Variants in ITK observed in about 807,000 individuals in gnomAD.
ITK encodes the protein IL2 inducible T cell kinase.
ITK carries 45 observed loss-of-function variants against 87.6 expected under a neutral mutation model. The ratio of observed to expected loss-of-function variants is 0.51; its 90% CI spans 0.40 to 0.66. ITK has a LOEUF of 0.66. ITK is among the 30% of genes least tolerant of loss of function. ITK has a pLI of 0.00. For synonymous variants in ITK, 303 were observed against 273.6 expected (o/e 1.11, Z -1.06); for missense variants, 605 against 766.3 (o/e 0.79, Z 2.48).
At chr5:157,193,551 TC>T (rs1161775329) in intron 1 of ITK, among the ~76,000 whole-genome samples, 1 of 152,228 alleles carries the variant, frequency 6.6e-6, no homozygotes, top group Non-Finnish European at 1.5e-5. Context: ...ATAACCACAT[TC>T]ATTATGTTAT....
At chr5:157,194,494 A>G (rs1753814191) in intron 1 of ITK, among the ~76,000 whole-genome samples, 1 of 152,224 alleles carries the variant, frequency 6.6e-6, no homozygotes, top group Admixed American at 6.5e-5. Context: ...TGGTAATACA[A>G]GGAGTACCAG....
intron 12 of ITK, 40 bp downstream of exon 12, chr5:157,243,834 G>A (rs766810196): frequency 5.0e-6 from 8 of 1,586,062 alleles, no homozygotes; most frequent in Admixed American, 1.7e-5. Flanking sequence ...ACTCTGGGGG[G>A]AACATCGGTT....
At chr5:157,239,522 T>C (rs1754844755) in intron 9 of ITK, among the ~76,000 whole-genome samples, 1 of 152,170 alleles carries the variant, frequency 6.6e-6, no homozygotes, top group Non-Finnish European at 1.5e-5. Flanking sequence ...AACACATGTT[T>C]CTAGCAGACG....
chr5:157,212,285 C>G (rs1754206886), intron 3 of ITK, among the ~76,000 whole-genome samples: 1 of 152,196 alleles, frequency 6.6e-6, no homozygotes, highest in Non-Finnish European at 1.5e-5. Context: ...GTCAGAAGAT[C>G]TGGGTTCAAA....
chr5:157,208,006 G>A (rs1002688108), intron 1 of ITK, among the ~76,000 whole-genome samples: 30 of 152,226 alleles, frequency 2.0e-4, no homozygotes, highest in African/African-American at 7.0e-4. Flanking sequence ...GTATAATGAC[G>A]TATTTTGCAA....
intron 16 of ITK, among the ~76,000 whole-genome samples, chr5:157,251,645 A>G (rs1755139885): frequency 6.6e-6 from 1 of 152,174 alleles, no homozygotes; most frequent in Non-Finnish European, 1.5e-5. Flanking sequence ...TGCATTTTAC[A>G]TTTAGGTCTA....
chr5:157,234,961 C>T (rs1754747901), intron 8 of ITK, among the ~76,000 whole-genome samples: 1 of 152,130 alleles, frequency 6.6e-6, no homozygotes, highest in Non-Finnish European at 1.5e-5. Context: ...TGAATTGATT[C>T]ATTACACCTT....
chr5:157,189,875 C>T (rs1753719936), intron 1 of ITK, among the ~76,000 whole-genome samples: 1 of 152,166 alleles, frequency 6.6e-6, no homozygotes, highest in Non-Finnish European at 1.5e-5. Flanking sequence ...TAATACATTC[C>T]TCCCATTCAT....
At chr5:157,205,111 A>G (rs246856) in intron 1 of ITK, among the ~76,000 whole-genome samples, 106,947 of 152,074 alleles carry the variant, frequency 0.7, 38,226 homozygotes, top group East Asian at 0.98. Context: ...AATTGGGAAG[A>G]TACCCTTTAT....
In ITK at chr5:157,253,551, C is replaced by T. The variant is rs1439729137; in HGVS notation, c.*873C>T. 5.3e-5 allele frequency: 12 copies of T among 227,476 alleles called. No individual in the cohort carries two copies. The highest frequency in any genetic ancestry group is 1.0e-4 in the Non-Finnish European group (12 of 114,496). The allele number at this position is 227,476 out of a possible 1,614,324, so 14.1% of individuals were successfully genotyped here. On this transcript the variant is annotated 3_prime_UTR_variant, in exon 17 of 17. Transcript: ENST00000422843. ...CCTCCTCTTCTGCACAGAATGCTTCCACCAGCATCCTGAGAAGAAATGATT... is the reference window on the plus strand; with the variant it reads ...CCTCCTCTTCTGCACAGAATGCTTCTACCAGCATCCTGAGAAGAAATGATT...
At chr5:157,202,268 C>A (rs1459382044) in intron 1 of ITK, among the ~76,000 whole-genome samples, 1 of 152,164 alleles carries the variant, frequency 6.6e-6, no homozygotes, top group Non-Finnish European at 1.5e-5. Context: ...GGCTGGAATG[C>A]AGTGGCACGA....
intron 13 of ITK, among the ~76,000 whole-genome samples, chr5:157,244,698 A>T (rs1754986683): frequency 6.6e-6 from 1 of 152,114 alleles, no homozygotes; most frequent in African/African-American, 2.4e-5. Flanking sequence ...CACCTCCTGC[A>T]TTTCAGTTTA....
At chr5:157,235,446 A>G (rs1754758738) in intron 8 of ITK, among the ~76,000 whole-genome samples, 1 of 152,150 alleles carries the variant, frequency 6.6e-6, no homozygotes, top group Non-Finnish European at 1.5e-5. Flanking sequence ...TGTTATTATC[A>G]GTATTATTAC....
At chr5:157,227,356 T>C (rs1249570689) in intron 6 of ITK, among the ~76,000 whole-genome samples, 2 of 152,246 alleles carry the variant, frequency 1.3e-5, no homozygotes, top group Non-Finnish European at 2.9e-5. Flanking sequence ...TTGTTTATTA[T>C]GTTTTTTGTT....
chr5:157,249,656 A>C (rs1385617643), intron 16 of ITK, among the ~76,000 whole-genome samples: 1 of 152,226 alleles, frequency 6.6e-6, no homozygotes, highest in African/African-American at 2.4e-5. Context: ...AATACAAAAA[A>C]TTTGGAACAC....
At chr5:157,251,688 G>A (rs1755141292) in intron 16 of ITK, among the ~76,000 whole-genome samples, 1 of 152,148 alleles carries the variant, frequency 6.6e-6, no homozygotes, top group Admixed American at 6.5e-5. Flanking sequence ...CCTGAAAGGT[G>A]TCAGGTCTGT....
intron 7 of ITK, among the ~76,000 whole-genome samples, chr5:157,229,006 G>A (rs1053687925): frequency 2.0e-5 from 3 of 151,972 alleles, no homozygotes; most frequent in Non-Finnish European, 4.4e-5. Context: ...GACAATTTGA[G>A]TATCAAAATA....
chr5:157,198,137 GGAAA>G (rs1173974414), intron 1 of ITK, among the ~76,000 whole-genome samples: 2 of 147,766 alleles, frequency 1.4e-5, no homozygotes, highest in East Asian at 1.9e-4. Context: ...AAAAAAAAAA[GGAAA>G]GAAAGAAAGC....
intron 7 of ITK, among the ~76,000 whole-genome samples, chr5:157,230,478 CTT>C (rs1754628393): frequency 6.6e-6 from 1 of 152,134 alleles, no homozygotes. Context: ...CTAGTAGATT[CTT>C]TAGTGAAGAA....
Sources: gnomAD v4.1 joint callset for allele counts (sites outside exome capture counted in the v4.1 genomes callset) on GRCh38, gnomAD v4.1.1 for gene constraint, MANE v1.5 for transcripts, NCBI Gene and HGNC (gene_info 2026-07-23, HGNC 2026-07-21) for gene names.